Variants in SYMPK observed in about 807,000 individuals in gnomAD.
SYMPK encodes the protein symplekin.
SYMPK carries 49 observed loss-of-function variants against 136.4 expected under a neutral mutation model. That is an observed-to-expected ratio of 0.36 (90% CI 0.29 to 0.46). The LOEUF is 0.46. Among genes scored for constraint, SYMPK ranks in the 20% least tolerant of loss-of-function variants. The pLI is 1.00. For synonymous variants in SYMPK, 766 were observed against 713.0 expected, an observed-to-expected ratio of 1.07 and a Z score of -1.19; for missense variants, 1,365 against 1,690.0, an observed-to-expected ratio of 0.81 and a Z score of 3.37.
chr19:45,850,554 A>G (rs1219425107), intron 5 of SYMPK, among the ~76,000 whole-genome samples: 1 of 152,194 alleles, frequency 6.6e-6, no homozygotes, highest in Non-Finnish European at 1.5e-5. Flanking sequence ...CCCTTTCTGT[A>G]AAAAGAGGAT....
In SYMPK at chr19:45,823,427, T is replaced by G; in HGVS notation, c.2645A>C (p.His882Pro). The change falls in exon 20 of 27, where the codon CAC becomes CCC. Residue 882 changes from histidine (H) to proline (P), a missense_variant. By Grantham distance (77) the His-to-Pro change is moderately conservative. Around this residue, in one of 11 missense-constraint regions of SYMPK, gnomAD observed 92 missense variants for 198.6 expected, o/e 0.46. Coordinates refer to ENST00000245934, the MANE Select transcript of SYMPK (RefSeq NM_004819.3). ...ELVKRVRDLY[H>P]KRLPDVRFLI... ...GAAGCGGACGTCTGGCAGTCGCTTG[T>G]GGTAGAGATCCCGGACCCGCTTCAC... 6.2e-7 allele frequency: 1 copy of G among 1,613,890 alleles called. No homozygotes were observed.
chr19:45,841,294 CA>C (rs1971429446), intron 9 of SYMPK, among the ~76,000 whole-genome samples: 2 of 145,858 alleles, frequency 1.4e-5, no homozygotes. Flanking sequence ...ATTCCCCCCC[CA>C]CCTTTTTTTT....
Position 45,848,861 on chromosome 19 carries a change from C to T in SYMPK, c.315G>A (p.Glu105=). ...GGTTTGCAATGAGTTTCAGCAGCAA[C>T]TCAATGTCTCGCTTGCTGAGGGATG... ...FIEEACKRDI[E]LLLKLIANLN... The change falls in exon 6 of 27, where the codon GAG becomes GAA. Residue 105 remains glutamate, a synonymous_variant. Transcript: ENST00000245934. The T allele has an allele frequency of 6.2e-7, 1 of 1,614,024 alleles. No individual in the cohort carries two copies. Among genetic ancestry groups the T allele is most frequent in the Non-Finnish European group, 8.5e-7 (1 of 1,180,030 alleles).
At chr19:45,829,487 C>T (rs1457626149) in intron 13 of SYMPK, among the ~76,000 whole-genome samples, 4 of 152,092 alleles carry the variant, frequency 2.6e-5, no homozygotes, top group African/African-American at 9.7e-5. Flanking sequence ...AAAGATTCCC[C>T]TCATTTGTGC....
intron 1 of SYMPK, among the ~76,000 whole-genome samples, chr19:45,856,934 T>G (rs1025469714): frequency 6.8e-6 from 1 of 147,550 alleles, no homozygotes; most frequent in Non-Finnish European, 1.5e-5. Flanking sequence ...CTGGCCAACA[T>G]GGAGAAACAC....
At chr19:45,844,352 T>C in intron 7 of SYMPK, 152 bp from the exon 8 acceptor site, 1 of 579,070 alleles carries the variant, frequency 1.7e-6, no homozygotes, top group South Asian at 3.0e-5. Flanking sequence ...TGATTAGTTC[T>C]ATGAGACTAT....
intron 12 of SYMPK, chr19:45,830,666 G>A (rs1442791046): frequency 6.5e-6 from 1 of 154,310 alleles, no homozygotes; most frequent in Non-Finnish European, 1.4e-5. Context: ...GAGGCAGGCG[G>A]ATCACGAGGT....
Position 45,816,469 on chromosome 19 carries a change from G to T in SYMPK, c.3354+13C>A. ...GTCTGGGGATCCAGATGGGTGGGCTGCAGGGCCCTCACCTCCTCCAAGGGC... is the reference window on the plus strand; with the variant it reads ...GTCTGGGGATCCAGATGGGTGGGCTTCAGGGCCCTCACCTCCTCCAAGGGC... On this transcript the variant is annotated intron_variant, in intron 25 of 26. Transcript: ENST00000245934. 1 of 1,607,614 alleles carries T rather than the reference G, an allele frequency of 6.2e-7. No individual in the cohort carries two copies. The highest frequency in any genetic ancestry group is 1.1e-5 in the South Asian group (1 of 90,734).
chr19:45,852,199 A>G (rs1600528911), intron 5 of SYMPK, 113 bp downstream of exon 5: 4 of 1,068,094 alleles, frequency 3.7e-6, no homozygotes, highest in South Asian at 2.5e-5. Context: ...GAGAGAGAGA[A>G]AGGGTCTGGG....
intron 1 of SYMPK, among the ~76,000 whole-genome samples, chr19:45,857,237 G>A (rs1054419551): frequency 1.3e-5 from 2 of 150,292 alleles, no homozygotes; most frequent in Non-Finnish European, 1.5e-5. Context: ...GTGAAACCCC[G>A]TCTCTTCTAA....
chr19:45,826,885 C>T (rs2030593373), intron 16 of SYMPK, among the ~76,000 whole-genome samples: 1 of 152,250 alleles, frequency 6.6e-6, no homozygotes, highest in Non-Finnish European at 1.5e-5. Context: ...CAAAAGGCTG[C>T]AGGCAACGAT....
At chr19:45,837,425 T>C (rs921491612) in intron 10 of SYMPK, among the ~76,000 whole-genome samples, 2 of 151,962 alleles carry the variant, frequency 1.3e-5, no homozygotes, top group African/African-American at 4.8e-5. Context: ...CAGACCAGCA[T>C]GACCAACATG....
rs1040251136 is a variant in SYMPK, at chr19:45,842,147, A to G, written c.1087+103T>C. ...CACTGTGCCTGGCCCACATAACATA[A>G]TCTATAATATAATCTTAGTAAATAC... On this transcript the variant is annotated intron_variant, in intron 9 of 26. Transcript: ENST00000245934. 1.7e-5 allele frequency: 26 copies of G among 1,535,334 alleles called. No individual in the cohort carries two copies. In the African/African-American group the frequency reaches 3.5e-4, roughly 21 times the overall value.
At position 45,816,942 on chromosome 19, in the gene SYMPK, G is replaced by T; in HGVS notation, c.3114C>A (p.Phe1038Leu). The T allele has an allele frequency of 6.4e-7, 1 of 1,561,802 alleles. No individual in the cohort carries two copies. Reference protein sequence around the residue: ...VWKYPKVWEGFIKCCQRTKPQ... With the variant: ...VWKYPKVWEGLIKCCQRTKPQ... Reference sequence around the variant, plus strand: ...GCTTTGTGCGCTGGCAGCACTTGATGAAGCCCTCCCACACCTTGGGGTACT... The same window carrying T: ...GCTTTGTGCGCTGGCAGCACTTGATTAAGCCCTCCCACACCTTGGGGTACT... Residue 1038 changes from phenylalanine (F) to leucine (L), a missense_variant, in exon 24 of 27, where the codon TTC (phenylalanine) becomes TTA (leucine). Around this residue, in one of 11 missense-constraint regions of SYMPK, gnomAD observed 156 missense variants for 217.8 expected, o/e 0.72. Transcript: ENST00000245934.
intron 12 of SYMPK, chr19:45,830,410 C>A: frequency 1.7e-6 from 1 of 576,248 alleles, no homozygotes; most frequent in Non-Finnish European, 3.1e-6. Context: ...TTGCAGAGGG[C>A]GTCTTACGGA....
chr19:45,851,598 G>A (rs531834098), intron 5 of SYMPK, among the ~76,000 whole-genome samples: 73 of 145,738 alleles, frequency 5.0e-4, no homozygotes, highest in African/African-American at 1.7e-3. Flanking sequence ...AAAAGGCCAG[G>A]CACAGTGACT....
chr19:45,858,268 C>T (rs1971880889), intron 1 of SYMPK, among the ~76,000 whole-genome samples: 1 of 152,180 alleles, frequency 6.6e-6, no homozygotes, highest in African/African-American at 2.4e-5. Flanking sequence ...TCAAGGCCTA[C>T]AAGATTTTAT....
intron 24 of SYMPK, 21 bp from the exon 25 acceptor site, chr19:45,816,598 G>A: frequency 6.2e-7 from 1 of 1,612,944 alleles, no homozygotes; most frequent in African/African-American, 1.3e-5. Context: ...AGCAGGAAGG[G>A]GGCGCTGGGG....
At chr19:45,854,033 A>G in intron 3 of SYMPK, 142 bp downstream of exon 3, 1 of 764,660 alleles carries the variant, frequency 1.3e-6, no homozygotes, top group Non-Finnish European at 2.2e-6. Flanking sequence ...GAACTAGAAG[A>G]GCAGAGGCCT....
Sources: allele counts gnomAD v4.1 joint callset (sites outside exome capture counted in the v4.1 genomes callset), GRCh38; gene constraint gnomAD v4.1.1; regional missense constraint gnomAD v4.1.1; transcripts MANE v1.5; gene names NCBI Gene and HGNC (gene_info 2026-07-23, HGNC 2026-07-21).